The following CADM2 variants were observed in gnomAD, a reference collection of about 807,000 sequenced individuals.
The protein encoded by CADM2 is cell adhesion molecule 2.
CADM2 carries 12 observed loss-of-function variants against 49.8 expected under a neutral mutation model. The observed-to-expected ratio is 0.24, with a 90% CI of 0.15 to 0.39. CADM2 has a LOEUF of 0.39. CADM2 is among the 10% of genes least tolerant of loss of function. The probability of loss-of-function intolerance (pLI) is 1.00; values close to 1 mark genes in which losing one functional copy is unlikely to be tolerated. For missense variants in CADM2, 378 were observed against 492.3 expected (o/e 0.77, Z 2.20); for synonymous variants, 214 against 175.4 (o/e 1.22, Z -1.74).
At chr3:85,934,540 T>C (rs1479814182) in intron 6 of CADM2, among the ~76,000 whole-genome samples, 1 of 152,122 alleles carries the variant, frequency 6.6e-6, no homozygotes, top group Non-Finnish European at 1.5e-5. Context: ...AATGTTTATT[T>C]GCAACCAGAA....
chr3:85,613,016 A>G (rs1310806134), intron 1 of CADM2, among the ~76,000 whole-genome samples: 1 of 151,768 alleles, frequency 6.6e-6, no homozygotes, highest in Non-Finnish European at 1.5e-5. Flanking sequence ...ATGGAATGAC[A>G]GATTTCACAG....
chr3:85,514,695 G>A (rs1280351067), intron 1 of CADM2, among the ~76,000 whole-genome samples: 2 of 152,044 alleles, frequency 1.3e-5, no homozygotes. Context: ...AGTCTCTCAT[G>A]AGTTGCTCCT....
At chr3:85,809,784 C>CTT (rs2072726524) in intron 3 of CADM2, among the ~76,000 whole-genome samples, 2 of 96,538 alleles carry the variant, frequency 2.1e-5, no homozygotes, top group African/African-American at 5.0e-5. Context: ...CTCTCTCTCT[C>CTT]TCTCTCTCTT....
intron 1 of CADM2, among the ~76,000 whole-genome samples, chr3:85,602,772 A>G (rs930959912): frequency 1.3e-5 from 2 of 152,020 alleles, no homozygotes; most frequent in African/African-American, 2.4e-5. Context: ...ACATTTTGCA[A>G]TTAATACTGG....
chr3:85,083,476 T>C lies in CADM2; in HGVS notation c.61+123808T>C, dbSNP rs190982920. On this transcript the variant is annotated intron_variant, in intron 1 of 9. Transcript: ENST00000383699. Reference sequence around the variant, plus strand: ...TGCACACCGTTCTTTTGAAATGCTATCTTCGTCTTTCACATACATGATCTT... The same window carrying C: ...TGCACACCGTTCTTTTGAAATGCTACCTTCGTCTTTCACATACATGATCTT... Among the ~76,000 whole-genome samples the C allele has an allele frequency of 3.8e-4, 58 of 152,264 alleles. No homozygotes were observed. In the East Asian group the frequency reaches 9.6e-3, roughly 25 times the overall value.
Position 86,065,628 on chromosome 3 carries a change from A to C in CADM2, c.994A>C (p.Asn332His), listed in dbSNP as rs2107434932. 1 of 1,613,496 alleles carries C rather than the reference A, an allele frequency of 6.2e-7. No individual in the cohort carries two copies. The highest frequency in any genetic ancestry group is 1.1e-5 in the South Asian group (1 of 90,986). Residue 332 changes from asparagine to histidine, a missense_variant, in exon 9 of 10, where the codon AAT (asparagine) becomes CAT (histidine). Coordinates refer to ENST00000383699, the MANE Select transcript of CADM2 (RefSeq NM_001167675.2). Reference sequence around the variant, plus strand: ...AGATCCTAATGCTTTGGCTGGCCAGAATGGCCCTGACCATGCTCTCATAGG... The same window carrying C: ...AGATCCTAATGCTTTGGCTGGCCAGCATGGCCCTGACCATGCTCTCATAGG... ...VHDPNALAGQ[N>H]GPDHALIGGI...
At chr3:85,968,751 C>T (rs1452017261) in intron 8 of CADM2, among the ~76,000 whole-genome samples, 1 of 151,482 alleles carries the variant, frequency 6.6e-6, no homozygotes, top group Non-Finnish European at 1.5e-5. Context: ...GCTCTTCTAC[C>T]CAAGTATATG....
chr3:85,618,166 A>G (rs750877247), intron 1 of CADM2, among the ~76,000 whole-genome samples: 1 of 152,222 alleles, frequency 6.6e-6, no homozygotes, highest in Non-Finnish European at 1.5e-5. Context: ...AAAAAATTAC[A>G]TAGCAGCTAA....
chr3:85,943,093 G>T (rs1722161579), intron 7 of CADM2, among the ~76,000 whole-genome samples: 2 of 152,034 alleles, frequency 1.3e-5, no homozygotes, highest in African/African-American at 4.8e-5. Context: ...CAGTGAAGAT[G>T]AACATTTTTT....
chr3:85,896,375 A>T (rs947387150), intron 5 of CADM2, among the ~76,000 whole-genome samples: 9 of 152,240 alleles, frequency 5.9e-5, no homozygotes, highest in African/African-American at 2.2e-4. Context: ...TAAGTGACTT[A>T]TAATGAGGAA....
At chr3:85,680,085 C>A (rs565501777) in intron 1 of CADM2, among the ~76,000 whole-genome samples, 1 of 151,890 alleles carries the variant, frequency 6.6e-6, no homozygotes, top group African/African-American at 2.4e-5. Flanking sequence ...TTACTATTAA[C>A]ATAGGAGAAT....
chr3:85,568,769 ATT>A (rs74343554), intron 1 of CADM2, among the ~76,000 whole-genome samples: 77,070 of 148,918 alleles, frequency 0.52, 22,738 homozygotes, highest in East Asian at 0.85. Context: ...CACCAAACTA[ATT>A]TTTTTTTTGT....
At chr3:85,508,311 C>T (rs1203753614) in intron 1 of CADM2, among the ~76,000 whole-genome samples, 1 of 152,120 alleles carries the variant, frequency 6.6e-6, no homozygotes, top group African/African-American at 2.4e-5. Flanking sequence ...CAGTAGTCAG[C>T]AAACTATGAC....
At chr3:85,564,415 G>T (rs907524913) in intron 1 of CADM2, among the ~76,000 whole-genome samples, 18 of 151,982 alleles carry the variant, frequency 1.2e-4, no homozygotes, top group Non-Finnish European at 1.3e-4. Flanking sequence ...TCTAGCACGG[G>T]TATTTATATG....
At chr3:86,012,904 G>A in intron 8 of CADM2, 2 of 592,662 alleles carry the variant, frequency 3.4e-6, no homozygotes, top group East Asian at 3.3e-5. Context: ...GAACCCGGGA[G>A]GCGGAGCTTG....
At chr3:85,952,992 T>A (rs576475853) in intron 7 of CADM2, among the ~76,000 whole-genome samples, 90 of 150,884 alleles carry the variant, frequency 6.0e-4, no homozygotes, top group Admixed American at 1.3e-3. Context: ...TACTTTATTT[T>A]TTTTTTCTTA....
intron 7 of CADM2, among the ~76,000 whole-genome samples, chr3:85,936,842 C>T (rs115470957): frequency 0.033 from 5,081 of 151,690 alleles, 286 homozygotes; most frequent in African/African-American, 0.12. Context: ...AAATCCATGC[C>T]TTATTTACCA....
At chr3:85,467,725 A>G (rs926116649) in intron 1 of CADM2, among the ~76,000 whole-genome samples, 1 of 152,234 alleles carries the variant, frequency 6.6e-6, no homozygotes, top group Non-Finnish European at 1.5e-5. Flanking sequence ...CAAAAGACAT[A>G]GTAGGACTGG....
intron 1 of CADM2, among the ~76,000 whole-genome samples, chr3:85,199,370 T>TGTGTGTGAGAGAGAGAGAGAGAGAGA (rs1553694531): frequency 4.3e-5 from 6 of 140,162 alleles, no homozygotes; most frequent in African/African-American, 1.1e-4. Context: ...TGTGTGTGTA[T>TGTGTGTGAGAGAGAGAGAGAGAGAGA]GAGAGAGAGA....
Sources: gnomAD v4.1 joint callset for allele counts (sites outside exome capture counted in the v4.1 genomes callset) on GRCh38, gnomAD v4.1.1 for gene constraint, MANE v1.5 for transcripts, NCBI Gene and HGNC (gene_info 2026-07-23, HGNC 2026-07-21) for gene names.